PREP: variants seen among roughly 807,000 people sequenced by gnomAD.
The protein encoded by PREP is dJ355L5.1 (prolyl endopeptidase).
Under a neutral mutation model 87.6 loss-of-function variants are expected in PREP, and 29 were observed. That is an observed-to-expected ratio of 0.33 (90% confidence interval 0.25 to 0.45). The LOEUF (loss-of-function observed/expected upper bound fraction) is 0.45. Among genes scored for constraint, PREP ranks in the 20% least tolerant of loss-of-function variants. The pLI, the probability that PREP is intolerant of heterozygous loss-of-function variation, is 1.00. For missense variants in PREP, 695 were observed against 886.5 expected, an observed-to-expected ratio of 0.78 and a Z score of 2.74; for synonymous variants, 337 against 328.6, an observed-to-expected ratio of 1.03 and a Z score of -0.28.
chr6:105,325,399 C>A lies in PREP; in HGVS notation c.1214-1631G>T, dbSNP rs531760165. 5.9e-5 allele frequency among the ~76,000 whole-genome samples: 9 copies of A among 152,246 alleles called. No homozygotes were observed. In the East Asian group the frequency reaches 1.7e-3, roughly 29 times the overall value. On this transcript the variant is annotated intron_variant, in intron 9 of 14. Coordinates refer to ENST00000652536, the MANE Select transcript of PREP (RefSeq NM_002726.5). ...GACAAGGCACCAAAGTACTAGAATG[C>A]AAGTTCTGTAGTGAAAGACAATGAG...
intron 14 of PREP, 72 bp downstream of exon 14, chr6:105,281,674 C>CTAATCCTGCTGTGACTGTGTTCAACTTT: frequency 6.5e-7 from 1 of 1,532,364 alleles, no homozygotes. Context: ...AGCTCAAGCA[C>CTAATCCTGCTGTGACTGTGTTCAACTTT]TAATCCTGCT....
chr6:105,321,363 G>C (rs1007761857), intron 10 of PREP, among the ~76,000 whole-genome samples: 1 of 152,198 alleles, frequency 6.6e-6, no homozygotes, highest in Non-Finnish European at 1.5e-5. Context: ...CGGAACTTTT[G>C]TTTGGGAAGT....
At chr6:105,354,289 T>C (rs1050589861) in intron 6 of PREP, among the ~76,000 whole-genome samples, 3 of 152,188 alleles carry the variant, frequency 2.0e-5, no homozygotes, top group African/African-American at 7.2e-5. Flanking sequence ...TGCTTCCCAG[T>C]GTATATAACT....
chr6:105,281,905 A>T lies in PREP; in HGVS notation c.1682-3T>A. ...AGGTCTCTGATTTGCACAAGCAGCTAAAAGCCCAACGTAGAAAGAAAAGGG... is the reference window on the plus strand; with the variant it reads ...AGGTCTCTGATTTGCACAAGCAGCTTAAAGCCCAACGTAGAAAGAAAAGGG... On this transcript the variant is annotated splice_polypyrimidine_tract_variant and splice_region_variant and intron_variant, in intron 13 of 14. Coordinates refer to ENST00000652536, the MANE Select transcript of PREP (RefSeq NM_002726.5). 6.2e-7 allele frequency: 1 copy of T among 1,613,184 alleles called. No homozygotes were observed. Among genetic ancestry groups the T allele is most frequent in the Non-Finnish European group, 8.5e-7 (1 of 1,179,748 alleles).
At chr6:105,366,279 C>T (rs1479393457) in intron 6 of PREP, among the ~76,000 whole-genome samples, 3 of 152,064 alleles carry the variant, frequency 2.0e-5, no homozygotes, top group African/African-American at 7.3e-5. Flanking sequence ...ATAAATAAAA[C>T]ATAAATAAAG....
chr6:105,331,928 C>T lies in PREP; in HGVS notation c.1015+1386G>A, dbSNP rs7758336. ...CCCCAGCCTGACACAGACAGAGTATCGGTGCCTGATCCAAACCTGCAAGTT... is the reference window on the plus strand; with the variant it reads ...CCCCAGCCTGACACAGACAGAGTATTGGTGCCTGATCCAAACCTGCAAGTT... On this transcript the variant is annotated intron_variant, in intron 8 of 14. Coordinates refer to ENST00000652536, the MANE Select transcript of PREP (RefSeq NM_002726.5). Among the ~76,000 whole-genome samples the T allele has an allele frequency of 7.5e-3, 1,145 of 152,190 alleles. 16 individuals carry two copies. The highest frequency in any genetic ancestry group is 0.026 in the African/African-American group (1,088 of 41,526).
intron 1 of PREP, among the ~76,000 whole-genome samples, chr6:105,399,143 A>G (rs1367008455): frequency 6.6e-6 from 1 of 152,090 alleles, no homozygotes; most frequent in Admixed American, 6.5e-5. Context: ...TAATGAAACC[A>G]CACTGACAAT....
At chr6:105,282,812 G>C (rs1770111668) in intron 12 of PREP, among the ~76,000 whole-genome samples, 1 of 152,170 alleles carries the variant, frequency 6.6e-6, no homozygotes, top group African/African-American at 2.4e-5. Context: ...TTTTCTAAAA[G>C]CCTCTAGAAC....
intron 7 of PREP, among the ~76,000 whole-genome samples, chr6:105,343,587 G>A (rs564616898): frequency 6.6e-6 from 1 of 152,244 alleles, no homozygotes; most frequent in East Asian, 1.9e-4. Context: ...ACAGTGAACA[G>A]GCAACCTACA....
chr6:105,355,910 T>C (rs368839101), intron 6 of PREP, among the ~76,000 whole-genome samples: 8 of 152,282 alleles, frequency 5.3e-5, no homozygotes, highest in African/African-American at 1.9e-4. Flanking sequence ...GAAGAGTATG[T>C]GGTTCATTTT....
intron 6 of PREP, among the ~76,000 whole-genome samples, chr6:105,368,093 A>T (rs963624436): frequency 2.5e-4 from 38 of 152,234 alleles, no homozygotes; most frequent in African/African-American, 9.2e-4. Context: ...GTTAAAATTG[A>T]AAATGTCCCT....
At chr6:105,319,638 G>A (rs1770953783) in intron 10 of PREP, among the ~76,000 whole-genome samples, 1 of 152,194 alleles carries the variant, frequency 6.6e-6, no homozygotes, top group Non-Finnish European at 1.5e-5. Context: ...TAACAAAAAA[G>A]CAGAAGCAGT....
At position 105,354,073 on chromosome 6, in the gene PREP, AT is replaced by A. The variant is rs373541350; in HGVS notation, c.718-997del. On this transcript the variant is annotated intron_variant, in intron 6 of 14. Coordinates refer to ENST00000652536, the MANE Select transcript of PREP (RefSeq NM_002726.5). ...AACTATACATATTCTTTTGCAACTA[AT>A]TTTTTTCATTCAATGTTTTATAATT... Among the ~76,000 whole-genome samples the A allele has an allele frequency of 4.9e-3, 745 of 152,262 alleles. 2 individuals carry two copies. Among genetic ancestry groups the A allele is most frequent in the African/African-American group, 0.017 (689 of 41,534 alleles).
At chr6:105,333,612 C>G (rs539497150) in intron 7 of PREP, 107 bp from the exon 8 acceptor site, 57 of 1,155,844 alleles carry the variant, frequency 4.9e-5, no homozygotes, top group Middle Eastern at 4.0e-4. Flanking sequence ...AAACATAAAG[C>G]AGAGATATTT....
intron 10 of PREP, among the ~76,000 whole-genome samples, chr6:105,300,966 G>C (rs1211810216): frequency 1.3e-5 from 2 of 152,174 alleles, no homozygotes. Flanking sequence ...TATTCTCCTT[G>C]AGATGCGTAC....
At chr6:105,283,598 A>G (rs1770126189) in intron 12 of PREP, among the ~76,000 whole-genome samples, 1 of 152,242 alleles carries the variant, frequency 6.6e-6, no homozygotes. Context: ...AGGAATAACA[A>G]TATTTTGGGT....
intron 7 of PREP, among the ~76,000 whole-genome samples, chr6:105,347,700 T>C (rs947727712): frequency 1.3e-5 from 2 of 152,062 alleles, no homozygotes; most frequent in Non-Finnish European, 2.9e-5. Context: ...AACTAAAGTA[T>C]ATAAGGCAAC....
At chr6:105,390,656 G>A (rs1299749623) in intron 2 of PREP, among the ~76,000 whole-genome samples, 1 of 152,166 alleles carries the variant, frequency 6.6e-6, no homozygotes, top group Non-Finnish European at 1.5e-5. Context: ...AGCTAAAAGG[G>A]TGAAGACACA....
chr6:105,391,991 G>A (rs1051907734), intron 2 of PREP, among the ~76,000 whole-genome samples: 2 of 152,080 alleles, frequency 1.3e-5, no homozygotes, highest in African/African-American at 2.4e-5. Context: ...AAATGTGTGC[G>A]GAATGGGAAA....
Sources: gnomAD v4.1 joint callset for allele counts (sites outside exome capture counted in the v4.1 genomes callset) on GRCh38, gnomAD v4.1.1 for gene constraint, MANE v1.5 for transcripts, NCBI Gene and HGNC (gene_info 2026-07-23, HGNC 2026-07-21) for gene names.